The following NUDT13 variants were observed in gnomAD, a reference collection of about 807,000 sequenced individuals.
NUDT13 encodes the protein NAD(P)H pyrophosphatase NUDT13, mitochondrial.
A neutral mutation model predicts 41.7 loss-of-function variants in NUDT13; 40 were observed. The observed-to-expected ratio is 0.96, with a 90% CI of 0.75 to 1.25. The LOEUF is 1.25. Among genes scored for constraint, NUDT13 ranks in the 50% most tolerant of loss-of-function variants. NUDT13 has a pLI of 0.00. For missense variants in NUDT13, 390 were observed against 416.1 expected, an observed-to-expected ratio of 0.94 and a Z score of 0.55; for synonymous variants, 145 against 155.5, an observed-to-expected ratio of 0.93 and a Z score of 0.50.
At chr10:73,124,126 A>C (rs1842715401) in intron 4 of NUDT13, 88 bp from the exon 5 acceptor site, 3 of 896,488 alleles carry the variant, frequency 3.3e-6, no homozygotes, top group Non-Finnish European at 3.6e-6. Flanking sequence ...CAAGTTTGGG[A>C]AACACTATTT....
intron 4 of NUDT13, among the ~76,000 whole-genome samples, chr10:73,122,651 A>C (rs983029393): frequency 1.3e-5 from 2 of 151,968 alleles, no homozygotes; most frequent in African/African-American, 4.8e-5. Context: ...AGCTCACTGC[A>C]GCCTTGACCT....
intron 3 of NUDT13, 93 bp from the exon 4 acceptor site, chr10:73,122,082 A>G (rs956814759): frequency 3.5e-6 from 5 of 1,409,212 alleles, no homozygotes; most frequent in Admixed American, 2.2e-5. Flanking sequence ...TTTAAGCTGA[A>G]GTAGATGATT....
rs12250423 is a variant in NUDT13, at chr10:73,120,664, C to G, written c.223+507C>G. ...AATTCAGAGTTCCATCATGGCCAGG[C>G]GCGGTGGCTCACGCCTGTAATCCCA... On this transcript the variant is annotated intron_variant, in intron 3 of 8. Coordinates refer to ENST00000357321, the MANE Select transcript of NUDT13 (RefSeq NM_015901.6). 2.0e-5 allele frequency among the ~76,000 whole-genome samples: 3 copies of G among 152,190 alleles called. No individual in the cohort carries two copies. The East Asian group carries it at 5.8e-4, about 29-fold the overall frequency.
At chr10:73,124,794 G>A (rs1266107487) in intron 5 of NUDT13, 3 of 224,444 alleles carry the variant, frequency 1.3e-5, no homozygotes, top group African/African-American at 2.3e-5. Context: ...AACATTTTGG[G>A]GTGTTCAACT....
At position 73,122,962 on chromosome 10, in the gene NUDT13, G is replaced by A. The variant is rs188655187; in HGVS notation, c.358+653G>A. ...GTTGCCCAGGCTGGAGTGCAATGGC[G>A]CGATCTCGGCTCGCCACAACCTTCG... On this transcript the variant is annotated intron_variant, in intron 4 of 8. Coordinates refer to ENST00000357321, the MANE Select transcript of NUDT13 (RefSeq NM_015901.6). 1.7e-3 allele frequency among the ~76,000 whole-genome samples: 250 copies of A among 149,686 alleles called. 3 individuals are homozygous for A. In the East Asian group the frequency reaches 0.033, roughly 20 times the overall value.
intron 2 of NUDT13, among the ~76,000 whole-genome samples, chr10:73,119,168 C>T (rs1054263598): frequency 3.3e-5 from 5 of 151,760 alleles, no homozygotes. Context: ...GCCTCAGCCT[C>T]CTGAGTAGCT....
At chr10:73,120,953 A>T (rs952711073) in intron 3 of NUDT13, among the ~76,000 whole-genome samples, 4 of 150,854 alleles carry the variant, frequency 2.7e-5, no homozygotes, top group Admixed American at 1.3e-4. Context: ...AAAAAAAAAA[A>T]GTTCCATCAT....
chr10:73,112,527 G>A (rs1454953210), intron 1 of NUDT13, among the ~76,000 whole-genome samples: 2 of 150,806 alleles, frequency 1.3e-5, no homozygotes, highest in African/African-American at 2.4e-5. Context: ...TATACTTTTT[G>A]ACAAAAAAAG....
chr10:73,116,710 C>G (rs980219104), intron 2 of NUDT13, among the ~76,000 whole-genome samples: 3 of 151,830 alleles, frequency 2.0e-5, no homozygotes, highest in African/African-American at 7.3e-5. Flanking sequence ...TCATTGCACT[C>G]TAGCCTGCAT....
chr10:73,122,537 G>A (rs1013449724), intron 4 of NUDT13, among the ~76,000 whole-genome samples: 1 of 151,902 alleles, frequency 6.6e-6, no homozygotes, highest in African/African-American at 2.4e-5. Flanking sequence ...AATATTTATG[G>A]TATTAGTCTC....
At chr10:73,124,430 T>G (rs1231204039) in intron 5 of NUDT13, 110 bp downstream of exon 5, 1 of 711,888 alleles carries the variant, frequency 1.4e-6, no homozygotes, top group Non-Finnish European at 2.4e-6. Context: ...TTTTGCAGAT[T>G]ATAGTCCTTT....
At chr10:73,119,705 C>A (rs1006436080) in intron 2 of NUDT13, among the ~76,000 whole-genome samples, 2 of 152,124 alleles carry the variant, frequency 1.3e-5, no homozygotes, top group African/African-American at 4.8e-5. Flanking sequence ...ATGCTAACTA[C>A]AGAGATACAG....
intron 8 of NUDT13, among the ~76,000 whole-genome samples, chr10:73,128,465 T>C (rs1386458343): frequency 6.6e-6 from 1 of 152,234 alleles, no homozygotes; most frequent in Non-Finnish European, 1.5e-5. Context: ...TATGAGGTTT[T>C]CATTTGCATT....
chr10:73,120,590 T>C (rs901779378), intron 3 of NUDT13, among the ~76,000 whole-genome samples: 1 of 152,194 alleles, frequency 6.6e-6, no homozygotes, highest in African/African-American at 2.4e-5. Flanking sequence ...TGCCATTCTT[T>C]GCCTTAGAGC....
At chr10:73,114,618 T>C (rs1448497935) in intron 2 of NUDT13, among the ~76,000 whole-genome samples, 170 bp downstream of exon 2, 2 of 150,790 alleles carry the variant, frequency 1.3e-5, no homozygotes, top group East Asian at 1.9e-4. Flanking sequence ...TATTCATATA[T>C]ATATATATTC....
rs1589664854 is a variant in NUDT13, at chr10:73,124,848, G to A, written c.466-270G>A. On this transcript the variant is annotated intron_variant, in intron 5 of 8. Transcript: ENST00000357321. ...TTTTAAGCTGGTTAGTGAATACATG[G>A]GTGTTCATTTTATTACCTCATATAC... 4 of 320,022 alleles carry A rather than the reference G, an allele frequency of 1.2e-5. No individual in the cohort carries two copies. The East Asian group carries it at 1.6e-4, about 13-fold the overall frequency. The allele number at this position is 320,022 out of a possible 1,614,324, so 19.8% of individuals were successfully genotyped here. A position where few individuals can be genotyped will look rare whatever the true frequency, so the allele number is the denominator to read the frequency against.
Position 73,124,249 on chromosome 10 carries a change from A to G in NUDT13, c.394A>G (p.Lys132Glu), listed in dbSNP as rs1024895337. 6.2e-7 allele frequency: 1 copy of G among 1,612,570 alleles called. No homozygotes were observed. The highest frequency in any genetic ancestry group is 8.5e-7 in the Non-Finnish European group (1 of 1,179,228). The change falls in exon 5 of 9, where the codon AAG becomes GAG. Residue 132 changes from lysine to glutamate, a missense_variant. By Grantham distance (56) the Lys-to-Glu change is moderately conservative. Transcript: ENST00000357321. Reference protein sequence around the residue: ...LHKPEMETELKGSFIELRKAL... With the variant: ...LHKPEMETELEGSFIELRKAL... The stretch of plus-strand genomic sequence containing the variant: ...CAAACCTGAAATGGAGACAGAGCTC[A>G]AGGGGTCTTTCATTGAGCTGAGAAA...
Position 73,124,901 on chromosome 10 carries a change from TA to T in NUDT13, c.466-212del, listed in dbSNP as rs1360510964. On this transcript the variant is annotated intron_variant, in intron 5 of 8. Coordinates refer to ENST00000357321, the MANE Select transcript of NUDT13 (RefSeq NM_015901.6). ...CATATGTTTTAAATAATAATACATTTAAAAATATGCTTTCTTTTATTCAGAT... is the reference window on the plus strand; with the variant it reads ...CATATGTTTTAAATAATAATACATTTAAAATATGCTTTCTTTTATTCAGAT... 3 of 480,482 alleles carry T rather than the reference TA, an allele frequency of 6.2e-6. No homozygotes were observed. In the South Asian group the frequency reaches 1.2e-4, roughly 20 times the overall value. 29.8% of individuals were successfully genotyped at this position (480,482 alleles called of 1,614,324 possible).
chr10:73,123,740 C>A (rs550243511), intron 4 of NUDT13, among the ~76,000 whole-genome samples: 7 of 152,168 alleles, frequency 4.6e-5, no homozygotes, highest in African/African-American at 1.4e-4. Context: ...TTCACTGCAA[C>A]CTCTGCCTCC....
Sources: gnomAD v4.1 joint callset for allele counts (sites outside exome capture counted in the v4.1 genomes callset) on GRCh38, gnomAD v4.1.1 for gene constraint, MANE v1.5 for transcripts, NCBI Gene and HGNC (gene_info 2026-07-23, HGNC 2026-07-21) for gene names.